POLA2: variants seen among roughly 807,000 people sequenced by gnomAD.
POLA2 encodes DNA polymerase alpha 2, accessory subunit.
Under a neutral mutation model 82.8 loss-of-function variants are expected in POLA2, and 47 were observed. The observed-to-expected ratio is 0.57, with a 90% CI of 0.45 to 0.72. The LOEUF is 0.72. Ranked by LOEUF, POLA2 falls within the 30% of genes least tolerant of loss-of-function variation. The probability of loss-of-function intolerance (pLI) is 0.00; values close to 1 mark genes in which losing one functional copy is unlikely to be tolerated. For missense variants in POLA2, 634 were observed against 728.1 expected, an observed-to-expected ratio of 0.87 and a Z score of 1.49; for synonymous variants, 287 against 286.8, an observed-to-expected ratio of 1.00 and a Z score of -0.01.
At chr11:65,273,982 T>C (rs1949549181) in intron 4 of POLA2, among the ~76,000 whole-genome samples, 1 of 152,224 alleles carries the variant, frequency 6.6e-6, no homozygotes. Flanking sequence ...GCATTACTTG[T>C]AATCACTGAA....
intron 11 of POLA2, among the ~76,000 whole-genome samples, chr11:65,288,353 G>T (rs1319958943): frequency 6.6e-6 from 1 of 151,868 alleles, no homozygotes. Context: ...ACCCTTCGTT[G>T]ATTTTACAGT....
intron 14 of POLA2, 46 bp downstream of exon 14, chr11:65,294,307 T>C: frequency 6.9e-7 from 1 of 1,456,396 alleles, no homozygotes; most frequent in Non-Finnish European, 9.7e-7. Flanking sequence ...GAATCCAGCA[T>C]GCCTCTGCCA....
Position 65,295,874 on chromosome 11 carries a change from C to G in POLA2, c.1531C>G (p.Leu511Val), listed in dbSNP as rs777541517. The change falls in exon 17 of 18, where the codon CTC becomes GTC. Residue 511 changes from leucine to valine, a missense_variant. Physicochemically the swap from Leu to Val is conservative, Grantham distance 32. Transcript: ENST00000265465. ...HILTQRSYYP[L>V]YPPQEDMAID... ...TCTCTGTCTCTGTAGCTACTACCCACTCTACCCGCCCCAAGAAGACATGGC... is the reference window on the plus strand; with the variant it reads ...TCTCTGTCTCTGTAGCTACTACCCAGTCTACCCGCCCCAAGAAGACATGGC... 8.7e-6 allele frequency: 14 copies of G among 1,612,558 alleles called. No homozygotes were observed. The Admixed American group carries it at 1.5e-4, about 17-fold the overall frequency.
chr11:65,280,715 C>A (rs1439656747), intron 7 of POLA2: 1 of 415,366 alleles, frequency 2.4e-6, no homozygotes, highest in Non-Finnish European at 4.4e-6. Flanking sequence ...GGGTAGGCAT[C>A]CAGGGGCAAG....
intron 5 of POLA2, among the ~76,000 whole-genome samples, chr11:65,278,397 T>A (rs1305644047): frequency 6.6e-6 from 1 of 152,264 alleles, no homozygotes; most frequent in East Asian, 1.9e-4. Flanking sequence ...AAAATGGGAC[T>A]TAAAGTTTGC....
chr11:65,279,021 G>C (rs1314468865), intron 6 of POLA2, 98 bp downstream of exon 6: 41 of 1,113,390 alleles, frequency 3.7e-5, no homozygotes, highest in Non-Finnish European at 5.1e-5. Context: ...CAAGTTCCAA[G>C]GTTGCCTTTC....
chr11:65,272,472 G>A (rs1030923925), intron 4 of POLA2, among the ~76,000 whole-genome samples: 6 of 152,142 alleles, frequency 3.9e-5, no homozygotes, highest in Non-Finnish European at 8.8e-5. Flanking sequence ...TCACCTGTAC[G>A]ATTGACAGCT....
At chr11:65,289,109 A>AG in intron 12 of POLA2, 21 bp downstream of exon 12, 3 of 1,364,388 alleles carry the variant, frequency 2.2e-6, no homozygotes, top group Non-Finnish European at 2.1e-6. Flanking sequence ...TGGGGTGGGA[A>AG]GGGGTCCTGG....
intron 1 of POLA2, among the ~76,000 whole-genome samples, 184 bp downstream of exon 1, chr11:65,262,555 C>G (rs1435684449): frequency 6.6e-6 from 1 of 152,016 alleles, no homozygotes; most frequent in Non-Finnish European, 1.5e-5. Context: ...CTTTGAAATG[C>G]CCACCGGGTA....
chr11:65,281,271 A>G, intron 8 of POLA2, 124 bp downstream of exon 8: 3 of 1,024,078 alleles, frequency 2.9e-6, no homozygotes, highest in East Asian at 2.4e-5. Flanking sequence ...GCTGGAGCAC[A>G]TGCCCCAGAG....
chr11:65,266,538 A>T, intron 1 of POLA2, 44 bp from the exon 2 acceptor site: 1 of 1,607,722 alleles, frequency 6.2e-7, no homozygotes, highest in Non-Finnish European at 8.5e-7. Flanking sequence ...TGAAACTTCG[A>T]GAAATGAACT....
chr11:65,298,677 T>A lies in POLA2; in HGVS notation c.*1408T>A, dbSNP rs1473947266. The A allele has an allele frequency of 3.3e-5, 5 of 152,396 alleles. No homozygotes were observed. The South Asian group carries it at 1.0e-3, about 32-fold the overall frequency. The allele number at this position is 152,396 out of a possible 1,614,324, so 9.4% of individuals were successfully genotyped here. ...CAGGGTACAGTAAAAGGTCTTCCTT[T>A]AAACACAAGGAGCAGCTGTTTTATT... On this transcript the variant is annotated 3_prime_UTR_variant, in exon 18 of 18. Coordinates refer to ENST00000265465, the MANE Select transcript of POLA2 (RefSeq NM_002689.4).
At position 65,285,907 on chromosome 11, in the gene POLA2, C is replaced by T. The variant is rs11227171; in HGVS notation, c.1007-1809C>T. Among the ~76,000 whole-genome samples, 881 of 152,274 alleles carry T rather than the reference C, an allele frequency of 5.8e-3. 10 individuals carry two copies. The highest frequency in any genetic ancestry group is 0.015 in the African/African-American group (610 of 41,544). Reference sequence around the variant, plus strand: ...TCCCCTACCCCACCACCACATGAAACCTGCTCTTCACCTTGAATGCTCTGT... The same window carrying T: ...TCCCCTACCCCACCACCACATGAAATCTGCTCTTCACCTTGAATGCTCTGT... On this transcript the variant is annotated intron_variant, in intron 10 of 17. Transcript: ENST00000265465.
At chr11:65,295,771 C>A (rs1023028447) in intron 16 of POLA2, 93 bp from the exon 17 acceptor site, 6 of 1,489,162 alleles carry the variant, frequency 4.0e-6, no homozygotes, top group African/African-American at 2.8e-5. Flanking sequence ...TCTGTGGATG[C>A]CAGCAGCACG....
downstream of POLA2, among the ~76,000 whole-genome samples, chr11:65,302,526 G>T (rs904211993): frequency 3.9e-5 from 6 of 152,114 alleles, no homozygotes; most frequent in Non-Finnish European, 7.4e-5. Flanking sequence ...AGGGGGAAAA[G>T]GCATACTCAC....
chr11:65,272,847 A>G (rs559589745), intron 4 of POLA2, among the ~76,000 whole-genome samples: 355 of 151,542 alleles, frequency 2.3e-3, no homozygotes, highest in African/African-American at 8.0e-3. Flanking sequence ...CCCTGTCTCT[A>G]CTAAAAATAC....
chr11:65,293,889 TAG>T (rs1949781353), intron 13 of POLA2, among the ~76,000 whole-genome samples: 1 of 152,140 alleles, frequency 6.6e-6, no homozygotes. Context: ...ATCCTCTCAG[TAG>T]AAAGCCACAC....
Position 65,262,277 on chromosome 11 carries a change from C to T in POLA2, c.-16C>T, listed in dbSNP as rs776470167. On this transcript the variant is annotated 5_prime_UTR_variant, in exon 1 of 18. Coordinates refer to ENST00000265465, the MANE Select transcript of POLA2 (RefSeq NM_002689.4). Reference sequence around the variant, plus strand: ...AGCTGGGTGGGCCGGCTCCCCGGCCCCTGGCTTGGGCGACCATGTCCGCAT... The same window carrying T: ...AGCTGGGTGGGCCGGCTCCCCGGCCTCTGGCTTGGGCGACCATGTCCGCAT... 4 of 1,609,712 alleles carry T rather than the reference C, an allele frequency of 2.5e-6. No individual in the cohort carries two copies. In the East Asian group the frequency reaches 8.9e-5, roughly 36 times the overall value.
At chr11:65,286,729 T>C (rs1357610321) in intron 10 of POLA2, among the ~76,000 whole-genome samples, 1 of 152,164 alleles carries the variant, frequency 6.6e-6, no homozygotes, top group East Asian at 1.9e-4. Context: ...TTGTGATAAC[T>C]TGTTATAGCA....
Sources: gnomAD v4.1 joint callset for allele counts (sites outside exome capture counted in the v4.1 genomes callset) on GRCh38, gnomAD v4.1.1 for gene constraint, MANE v1.5 for transcripts, NCBI Gene and HGNC (gene_info 2026-07-23, HGNC 2026-07-21) for gene names.